IDO1: variants seen among roughly 807,000 people sequenced by gnomAD.
IDO1 encodes the protein indoleamine 2,3-dioxygenase 1.
Under a neutral mutation model 38.8 loss-of-function variants are expected in IDO1, and 35 were observed. The observed-to-expected ratio is 0.90, with a 90% CI of 0.69 to 1.20. The LOEUF (loss-of-function observed/expected upper bound fraction) is 1.20. Ranked by LOEUF, IDO1 falls within the 50% of genes most tolerant of loss-of-function variation. The pLI is 0.00. For missense variants in IDO1, 509 were observed against 485.1 expected (o/e 1.05, Z -0.46); for synonymous variants, 171 against 170.0 (o/e 1.01, Z -0.05).
At chr8:39,917,624 A>C (rs1448113843) in intron 1 of IDO1, among the ~76,000 whole-genome samples, 1 of 152,258 alleles carries the variant, frequency 6.6e-6, no homozygotes, top group Non-Finnish European at 1.5e-5. Context: ...GATTTTAGTG[A>C]AACCTTTGAG....
In IDO1 at chr8:39,918,187, G is replaced by A. The variant is rs1208422426; in HGVS notation, c.283G>A (p.Gly95Ser). 6.2e-7 allele frequency: 1 copy of A among 1,613,086 alleles called. No individual in the cohort carries two copies. Among genetic ancestry groups the A allele is most frequent in the African/African-American group, 1.3e-5 (1 of 75,018 alleles). Residue 95 changes from glycine to serine, a missense_variant, in exon 3 of 10, where the codon GGT (glycine) becomes AGT (serine). By Grantham distance (56) the Gly-to-Ser change is moderately conservative (BLOSUM62 0). Transcript: ENST00000518237. ...CITMAYVWGKGHGDVRKVLPR... is the reference protein window; with the variant it reads ...CITMAYVWGKSHGDVRKVLPR... ...CACCATGGCATATGTGTGGGGCAAAGGTCATGGAGATGTCCGTAAGGTTTG... is the reference window on the plus strand; with the variant it reads ...CACCATGGCATATGTGTGGGGCAAAAGTCATGGAGATGTCCGTAAGGTTTG...
Position 39,917,979 on chromosome 8 carries a change from T to C in IDO1, c.183+9T>C, listed in dbSNP as rs1563414798. On this transcript the variant is annotated intron_variant, in intron 2 of 9. Transcript: ENST00000518237. Reference sequence around the variant, plus strand: ...GAGAAAGAGTTGAGAAGGTTTGACATATGTATTACATTTGTCTTCTTGTAT... The same window carrying C: ...GAGAAAGAGTTGAGAAGGTTTGACACATGTATTACATTTGTCTTCTTGTAT... The C allele has an allele frequency of 6.2e-7, 1 of 1,604,684 alleles. No individual in the cohort carries two copies. The highest frequency in any genetic ancestry group is 1.1e-5 in the South Asian group (1 of 90,922).
At chr8:39,914,042 ATTC>A in intron 1 of IDO1, 33 bp downstream of exon 1, 2 of 1,445,922 alleles carry the variant, frequency 1.4e-6, no homozygotes, top group Non-Finnish European at 1.9e-6. Context: ...GGGAAAATGC[ATTC>A]TTCTTCTCAT....
chr8:39,924,528 A>T (rs111474053), intron 7 of IDO1, among the ~76,000 whole-genome samples, 193 bp from the exon 8 acceptor site: 1,526 of 152,246 alleles, frequency 0.01, 23 homozygotes, highest in African/African-American at 0.034. Flanking sequence ...AAATAAATAG[A>T]TACAGTTTAA....
chr8:39,913,896 G>C lies in IDO1; in HGVS notation c.-27G>C, dbSNP rs541586371. On this transcript the variant is annotated 5_prime_UTR_variant, in exon 1 of 10. Coordinates refer to ENST00000518237, the MANE Select transcript of IDO1 (RefSeq NM_002164.6). The stretch of plus-strand genomic sequence containing the variant: ...GCTCTGAAAACTCTTCAGACACTGA[G>C]GGGCACCAGAGGAGCAGACTACAAG... 1.3e-6 allele frequency: 2 copies of C among 1,506,654 alleles called. No homozygotes were observed. The highest frequency in any genetic ancestry group is 4.9e-5 in the East Asian group (2 of 41,028). The allele number at this position is 1,506,654 out of a possible 1,614,324, so 93.3% of individuals were successfully genotyped here.
chr8:39,921,556 C>T (rs939952965), intron 5 of IDO1, among the ~76,000 whole-genome samples: 12 of 152,032 alleles, frequency 7.9e-5, no homozygotes, highest in Admixed American at 1.3e-4. Flanking sequence ...TTTTTAAAAA[C>T]GAGGATGACA....
At chr8:39,925,484 G>T in intron 9 of IDO1, 113 bp downstream of exon 9, 1 of 1,038,814 alleles carries the variant, frequency 9.6e-7, no homozygotes, top group South Asian at 2.1e-5. Flanking sequence ...GATAGTTTTA[G>T]CAGAATCAGG....
intron 1 of IDO1, 74 bp from the exon 2 acceptor site, chr8:39,917,801 A>G: frequency 1.1e-6 from 1 of 918,674 alleles, no homozygotes; most frequent in Non-Finnish European, 1.7e-6. Context: ...TGTGAAGGCA[A>G]GGCATACTAT....
intron 5 of IDO1, among the ~76,000 whole-genome samples, chr8:39,920,467 A>G (rs1807255083): frequency 6.6e-6 from 1 of 152,204 alleles, no homozygotes; most frequent in Admixed American, 6.5e-5. Flanking sequence ...ACCATATACC[A>G]ACTTGTTCTT....
rs558406062 is a variant in IDO1, at chr8:39,918,319, G to A, written c.303+112G>A. 1.4e-5 allele frequency: 14 copies of A among 998,676 alleles called. No individual in the cohort carries two copies. The South Asian group carries it at 2.2e-4, about 16-fold the overall frequency. 61.9% of individuals were successfully genotyped at this position (998,676 alleles called of 1,614,324 possible). A position where few individuals can be genotyped will look rare whatever the true frequency, so the allele number is the denominator to read the frequency against. On this transcript the variant is annotated intron_variant, in intron 3 of 9. Transcript: ENST00000518237. Reference sequence around the variant, plus strand: ...TTATAACTGCATCATGCAAAGTTTAGATAACACGACAAAATGATAAAGAAA... The same window carrying A: ...TTATAACTGCATCATGCAAAGTTTAAATAACACGACAAAATGATAAAGAAA...
At chr8:39,918,479 A>G in intron 3 of IDO1, 1 of 474,632 alleles carries the variant, frequency 2.1e-6, no homozygotes, top group Non-Finnish European at 3.7e-6. Flanking sequence ...AACCTTTAAA[A>G]CACACATGGG....
intron 1 of IDO1, chr8:39,915,495 A>G (rs955133269): frequency 6.6e-6 from 1 of 152,228 alleles, no homozygotes; most frequent in Non-Finnish European, 1.5e-5. Context: ...AATTTAAAGC[A>G]TCTACCTCCT....
Position 39,922,546 on chromosome 8 carries a change from C to A in IDO1, c.438-6C>A, listed in dbSNP as rs373987619. On this transcript the variant is annotated splice_polypyrimidine_tract_variant and splice_region_variant and intron_variant, in intron 5 of 9. Coordinates refer to ENST00000518237, the MANE Select transcript of IDO1 (RefSeq NM_002164.6). ...ACTTCTTGCCTTCCTTATCCAATTT[C>A]CTCAGGAACATGGACGTTTTGTTCT... The A allele has an allele frequency of 5.9e-5, 94 of 1,602,106 alleles. No individual in the cohort carries two copies. In the East Asian group the frequency reaches 8.9e-4, roughly 15 times the overall value.
At chr8:39,925,880 T>C (rs573460733) in intron 9 of IDO1, among the ~76,000 whole-genome samples, 1 of 151,344 alleles carries the variant, frequency 6.6e-6, no homozygotes, top group Admixed American at 6.6e-5. Flanking sequence ...CAAAACTCCA[T>C]CTCAAAATAA....
At chr8:39,916,408 G>A (rs1377574310) in intron 1 of IDO1, among the ~76,000 whole-genome samples, 1 of 149,524 alleles carries the variant, frequency 6.7e-6, no homozygotes. Flanking sequence ...AACCTGGGAG[G>A]CGGAGGTTAC....
chr8:39,915,875 A>C (rs1807166520), intron 1 of IDO1, among the ~76,000 whole-genome samples: 1 of 152,178 alleles, frequency 6.6e-6, no homozygotes, highest in Non-Finnish European at 1.5e-5. Flanking sequence ...CTTAAAAAAA[A>C]GATTCTCGGC....
chr8:39,928,226 C>T lies in IDO1; in HGVS notation c.*41C>T, dbSNP rs1346165678. 1 of 1,360,578 alleles carries T rather than the reference C, an allele frequency of 7.3e-7. No individual in the cohort carries two copies. The highest frequency in any genetic ancestry group is 1.0e-6 in the Non-Finnish European group (1 of 978,176). 84.3% of individuals were successfully genotyped at this position (1,360,578 alleles called of 1,614,324 possible). A position where few individuals can be genotyped will look rare whatever the true frequency, so the allele number is the denominator to read the frequency against. Reference sequence around the variant, plus strand: ...GCACATTTTATCATAGCAGAGACATCTGTATGCATTCCTGTCATTACCCAT... The same window carrying T: ...GCACATTTTATCATAGCAGAGACATTTGTATGCATTCCTGTCATTACCCAT... On this transcript the variant is annotated 3_prime_UTR_variant, in exon 10 of 10. Coordinates refer to ENST00000518237, the MANE Select transcript of IDO1 (RefSeq NM_002164.6).
chr8:39,922,975 T>C (rs1263693686), intron 6 of IDO1: 2 of 262,690 alleles, frequency 7.6e-6, no homozygotes, highest in Middle Eastern at 1.3e-3. Flanking sequence ...TATACAACTA[T>C]ATAAATATCT....
chr8:39,927,696 T>C (rs775471266), intron 9 of IDO1, 134 bp from the exon 10 acceptor site: 11 of 461,512 alleles, frequency 2.4e-5, no homozygotes, highest in Non-Finnish European at 4.2e-5. Flanking sequence ...ACATTAGCCT[T>C]CAAATAGAAT....
Sources: allele counts gnomAD v4.1 joint callset (sites outside exome capture counted in the v4.1 genomes callset), GRCh38; gene constraint gnomAD v4.1.1; transcripts MANE v1.5; gene names NCBI Gene and HGNC (gene_info 2026-07-23, HGNC 2026-07-21).